SMAP2: variants seen among roughly 807,000 people sequenced by gnomAD.
SMAP2 encodes the protein small ArfGAP2, also known as stromal membrane-associated protein 2.
A neutral mutation model predicts 56.4 loss-of-function variants in SMAP2; 25 were observed. That is an observed-to-expected ratio of 0.44 (90% confidence interval 0.32 to 0.62). The LOEUF (loss-of-function observed/expected upper bound fraction) is 0.62, where lower values mean the gene tolerates loss of function less well. Ranked by LOEUF, SMAP2 falls within the 20% of genes least tolerant of loss-of-function variation. The pLI, the probability that SMAP2 is intolerant of heterozygous loss-of-function variation, is 0.04. For missense variants in SMAP2, 388 were observed against 545.6 expected (o/e 0.71, Z 2.88); for synonymous variants, 157 against 181.7 (o/e 0.86, Z 1.09).
At chr1:40,371,408 T>A (rs1325443861), upstream of SMAP2, among the ~76,000 whole-genome samples, 4 of 152,208 alleles carry the variant, frequency 2.6e-5, no homozygotes, top group African/African-American at 9.6e-5. Flanking sequence ...ACTTGATGTA[T>A]CTGCTAGGAT....
At chr1:40,397,421 A>G (rs906399855) in intron 1 of SMAP2, among the ~76,000 whole-genome samples, 1 of 152,186 alleles carries the variant, frequency 6.6e-6, no homozygotes, top group African/African-American at 2.4e-5. Context: ...ATTTTTCTCT[A>G]GAGTGTGCTA....
exon 2 of SMAP2, chr1:40,362,373 TGA>T (rs1276866176): frequency 6.6e-6 from 1 of 152,168 alleles, no homozygotes; most frequent in African/African-American, 2.4e-5. Flanking sequence ...GTTGAAGGGC[TGA>T]GAGAGGATGT....
intron 1 of SMAP2, among the ~76,000 whole-genome samples, chr1:40,397,996 A>G (rs1644788736): frequency 6.6e-6 from 1 of 152,174 alleles, no homozygotes; most frequent in Non-Finnish European, 1.5e-5. Flanking sequence ...TATTATGTTA[A>G]GGAGTTTCAA....
At chr1:40,401,785 G>T (rs541426986) in intron 1 of SMAP2, among the ~76,000 whole-genome samples, 25 of 152,300 alleles carry the variant, frequency 1.6e-4, no homozygotes, top group Admixed American at 7.8e-4. Context: ...AAGCCCTAGA[G>T]AAACTTGTCA....
upstream of SMAP2, among the ~76,000 whole-genome samples, chr1:40,369,391 C>T (rs1408133549): frequency 7.1e-4 from 104 of 146,288 alleles, 1 homozygote; most frequent in African/African-American, 2.5e-3. Context: ...GAGCCCACAT[C>T]GCCAAGTCAA....
At chr1:40,404,094 T>G (rs1644862446) in intron 1 of SMAP2, among the ~76,000 whole-genome samples, 1 of 152,202 alleles carries the variant, frequency 6.6e-6, no homozygotes, top group Non-Finnish European at 1.5e-5. Flanking sequence ...TGAGAGACCC[T>G]GTCTGTAAAG....
At chr1:40,409,403 G>A (rs571067189) in intron 3 of SMAP2, among the ~76,000 whole-genome samples, 3 of 152,294 alleles carry the variant, frequency 2.0e-5, no homozygotes, top group South Asian at 4.1e-4. Context: ...GGGCACTTAC[G>A]TGCCTTTGTT....
intron 4 of SMAP2, among the ~76,000 whole-genome samples, chr1:40,410,462 A>G (rs570663186): frequency 6.6e-6 from 1 of 152,052 alleles, no homozygotes; most frequent in East Asian, 1.9e-4. Context: ...AGCTATATCT[A>G]TCTACATAGA....
Position 40,406,779 on chromosome 1 carries a change from T to G in SMAP2, c.147T>G (p.Ile49Met). The G allele has an allele frequency of 6.2e-7, 1 of 1,614,124 alleles. No homozygotes were observed. Among genetic ancestry groups the G allele is most frequent in the Non-Finnish European group, 8.5e-7 (1 of 1,179,978 alleles). ...ASWNIGVFIC[I>M]RCAGIHRNLG... Reference sequence around the variant, plus strand: ...GGAACATTGGTGTGTTCATCTGCATTCGATGTGCTGGAATCCACAGGAATC... The same window carrying G: ...GGAACATTGGTGTGTTCATCTGCATGCGATGTGCTGGAATCCACAGGAATC... Residue 49 changes from isoleucine (I) to methionine (M), a missense_variant, in exon 2 of 10, where the codon ATT becomes ATG. Transcript: ENST00000372718.
chr1:40,351,081 C>G (rs1644407401), intron 1 of SMAP2, among the ~76,000 whole-genome samples: 1 of 152,224 alleles, frequency 6.6e-6, no homozygotes, highest in South Asian at 2.1e-4. Flanking sequence ...TTGTCCTACT[C>G]TCCTTGGAAA....
chr1:40,371,166 G>A (rs966287215), upstream of SMAP2, among the ~76,000 whole-genome samples: 2 of 151,374 alleles, frequency 1.3e-5, no homozygotes, highest in East Asian at 3.9e-4. Context: ...AGCGAGACTC[G>A]GTCTCAAAAA....
chr1:40,410,519 AG>A (rs1644925237), intron 4 of SMAP2, among the ~76,000 whole-genome samples: 1 of 152,278 alleles, frequency 6.6e-6, no homozygotes. Context: ...AATCAACAAA[AG>A]TAGGTGTAAT....
At chr1:40,379,506 A>C (rs1354859513) in intron 1 of SMAP2, among the ~76,000 whole-genome samples, 1 of 150,528 alleles carries the variant, frequency 6.6e-6, no homozygotes, top group Non-Finnish European at 1.5e-5. Flanking sequence ...AGTTATCTTG[A>C]CTAAGTAGAA....
chr1:40,416,154 C>T (rs1328199761), intron 7 of SMAP2, 22 bp from the exon 8 acceptor site: 17 of 1,608,084 alleles, frequency 1.1e-5, no homozygotes, highest in Non-Finnish European at 1.4e-5. Flanking sequence ...TTCAATTCTC[C>T]CCCCGCCCTC....
At chr1:40,405,465 G>A (rs1003916886) in intron 1 of SMAP2, among the ~76,000 whole-genome samples, 5 of 152,178 alleles carry the variant, frequency 3.3e-5, no homozygotes, top group Non-Finnish European at 2.9e-5. Flanking sequence ...CTCCCTGTCC[G>A]GGTGACAGCG....
chr1:40,351,101 T>C (rs1644407450), intron 1 of SMAP2, among the ~76,000 whole-genome samples: 1 of 152,308 alleles, frequency 6.6e-6, no homozygotes, highest in African/African-American at 2.4e-5. Flanking sequence ...AAGAATCCTC[T>C]CTTGTTCCAT....
intron 1 of SMAP2, among the ~76,000 whole-genome samples, chr1:40,400,048 A>G (rs1021754008): frequency 5.9e-5 from 9 of 152,362 alleles, no homozygotes; most frequent in Admixed American, 3.3e-4. Flanking sequence ...AGCCAAGGAA[A>G]GACTCCTTTG....
chr1:40,388,781 C>G (rs868321478), intron 1 of SMAP2, among the ~76,000 whole-genome samples: 7 of 152,334 alleles, frequency 4.6e-5, no homozygotes, highest in Middle Eastern at 6.8e-3. Flanking sequence ...AAACTTTGTT[C>G]TTTTGCTCTT....
At chr1:40,361,590 G>A (rs1644460312) in intron 1 of SMAP2, among the ~76,000 whole-genome samples, 1 of 152,260 alleles carries the variant, frequency 6.6e-6, no homozygotes, top group Non-Finnish European at 1.5e-5. Context: ...GGGCCAGAGG[G>A]GAGCCCACTG....
Sources: allele counts gnomAD v4.1 joint callset (sites outside exome capture counted in the v4.1 genomes callset), GRCh38; gene constraint gnomAD v4.1.1; transcripts MANE v1.5; gene names NCBI Gene and HGNC (gene_info 2026-07-23, HGNC 2026-07-21).